RBFOX1: variants seen among roughly 807,000 people sequenced by gnomAD.
The protein encoded by RBFOX1 is RNA binding protein fox-1 homolog 1.
In RBFOX1, 8 loss-of-function variants were observed where a neutral mutation model predicts 57.7. That is an observed-to-expected ratio of 0.14 (90% CI 0.08 to 0.25). The LOEUF is 0.25. Ranked by LOEUF, RBFOX1 falls within the 10% of genes least tolerant of loss-of-function variation. RBFOX1 has a pLI of 1.00. For synonymous variants in RBFOX1, 326 were observed against 222.4 expected (o/e 1.47, Z -4.15); for missense variants, 611 against 548.5 (o/e 1.11, Z -1.14).
At chr16:7,022,014 CCCTTCCCCCTCCCCTT>C (rs1434853398) in intron 3 of RBFOX1, among the ~76,000 whole-genome samples, 4 of 6,340 alleles carry the variant, frequency 6.3e-4, no homozygotes, top group Non-Finnish European at 9.6e-4. Flanking sequence ...CCCTCCCCTT[CCCTTCCCCCTCCCCTT>C]CCCCTCCCCT....
chr16:6,153,220 G>A (rs933638691), intron 1 of RBFOX1, among the ~76,000 whole-genome samples: 12 of 151,972 alleles, frequency 7.9e-5, no homozygotes, highest in Middle Eastern at 6.8e-3. Context: ...TTCCAGAACA[G>A]AATTAAAACT....
chr16:6,481,014 T>C (rs56771399), intron 2 of RBFOX1, among the ~76,000 whole-genome samples: 11,088 of 152,210 alleles, frequency 0.073, 1,285 homozygotes, highest in African/African-American at 0.25. Context: ...TATCCACAAA[T>C]GTATCTTGTG....
Position 6,066,293 on chromosome 16 carries a change from C to CAAAAAAAAAAAAAAAAAAA in RBFOX1, c.-127+46310_-127+46328dup, listed in dbSNP as rs372412356. ...CTGACTACAGAGCAAGACTCTGTCTCAAAAAAAAAAAAAAAAAAAAAAAAA... is the reference window on the plus strand; with the variant it reads ...CTGACTACAGAGCAAGACTCTGTCTCAAAAAAAAAAAAAAAAAAAAAAAAAAAAAAAAAAAAAAAAAAAA... On this transcript the variant is annotated intron_variant, in intron 1 of 15. Coordinates refer to ENST00000550418, the MANE Select transcript of RBFOX1 (RefSeq NM_018723.4). Among the ~76,000 whole-genome samples the CAAAAAAAAAAAAAAAAAAA allele has an allele frequency of 1.8e-4, 9 of 50,384 alleles. 1 individual carries two copies. The highest frequency in any genetic ancestry group is 5.7e-4 in the African/African-American group (4 of 6,996). The allele number at this position is 50,384 out of a possible 152,430, so 33.1% of individuals were successfully genotyped here.
intron 4 of RBFOX1, among the ~76,000 whole-genome samples, chr16:7,336,401 C>A (rs1288537303): frequency 6.6e-6 from 1 of 152,224 alleles, no homozygotes; most frequent in Non-Finnish European, 1.5e-5. Context: ...ACAAATCGTT[C>A]CCATTTCATC....
intron 4 of RBFOX1, among the ~76,000 whole-genome samples, chr16:5,899,724 C>G (rs1377873648): frequency 6.6e-6 from 1 of 152,156 alleles, no homozygotes; most frequent in Admixed American, 6.5e-5. Flanking sequence ...AAGATTCCAA[C>G]CCGCCTGGTC....
intron 3 of RBFOX1, among the ~76,000 whole-genome samples, chr16:5,696,924 G>A (rs574999964): frequency 3.2e-4 from 49 of 152,012 alleles, no homozygotes; most frequent in African/African-American, 1.2e-3. Flanking sequence ...GTTTTGTTCT[G>A]TTTTTTGAGA....
chr16:7,709,582 G>A, intron 15 of RBFOX1: 2 of 1,530,288 alleles, frequency 1.3e-6, no homozygotes, highest in Non-Finnish European at 1.8e-6. Flanking sequence ...GAATCTGACT[G>A]CCTCTCCTCC....
At chr16:6,442,567 AAAAG>A (rs1322436817) in intron 2 of RBFOX1, among the ~76,000 whole-genome samples, 2 of 129,708 alleles carry the variant, frequency 1.5e-5, no homozygotes, top group African/African-American at 6.9e-5. Flanking sequence ...AAAAAAAAAG[AAAAG>A]AAAAAAAAAG....
At chr16:6,996,058 A>G (rs1045205979) in intron 3 of RBFOX1, among the ~76,000 whole-genome samples, 1 of 152,214 alleles carries the variant, frequency 6.6e-6, no homozygotes. Context: ...GTTGATGGCC[A>G]TGGGGCGTCT....
chr16:7,242,088 C>A (rs147194673), intron 4 of RBFOX1, among the ~76,000 whole-genome samples: 23 of 152,202 alleles, frequency 1.5e-4, no homozygotes, highest in African/African-American at 5.3e-4. Context: ...TGAAAAGTCA[C>A]CAGGAATTTC....
intron 1 of RBFOX1, among the ~76,000 whole-genome samples, chr16:6,209,983 T>G (rs1299032654): frequency 6.6e-6 from 1 of 152,094 alleles, no homozygotes; most frequent in Non-Finnish European, 1.5e-5. Flanking sequence ...TTTAAAAGAT[T>G]TTATATTTCT....
chr16:5,376,296 G>A (rs759999978), intron 1 of RBFOX1, among the ~76,000 whole-genome samples: 21 of 152,160 alleles, frequency 1.4e-4, no homozygotes, highest in Non-Finnish European at 1.9e-4. Flanking sequence ...CAGTGCTGCT[G>A]AGTCCTACCC....
intron 3 of RBFOX1, among the ~76,000 whole-genome samples, chr16:7,032,782 C>A (rs986412144): frequency 6.6e-6 from 1 of 152,100 alleles, no homozygotes; most frequent in Non-Finnish European, 1.5e-5. Flanking sequence ...ATGAGACACC[C>A]CCGCCTTGGG....
intron 2 of RBFOX1, among the ~76,000 whole-genome samples, chr16:6,486,017 C>T (rs868135491): frequency 0.05 from 5,735 of 114,750 alleles, 362 homozygotes; most frequent in African/African-American, 0.15. Context: ...AATTATTTTT[C>T]TTTTTTTTTT....
chr16:6,158,973 G>A (rs2096858032), intron 1 of RBFOX1, among the ~76,000 whole-genome samples: 1 of 151,954 alleles, frequency 6.6e-6, no homozygotes, highest in Non-Finnish European at 1.5e-5. Context: ...TGCACTCTCG[G>A]CTCACTGCAA....
At chr16:7,203,490 C>G (rs1421889881) in intron 4 of RBFOX1, among the ~76,000 whole-genome samples, 1 of 152,162 alleles carries the variant, frequency 6.6e-6, no homozygotes, top group African/African-American at 2.4e-5. Context: ...TATAAATATA[C>G]TTAATGCTAC....
At chr16:7,283,254 C>G (rs1245924373) in intron 4 of RBFOX1, among the ~76,000 whole-genome samples, 1 of 151,750 alleles carries the variant, frequency 6.6e-6, no homozygotes, top group Non-Finnish European at 1.5e-5. Context: ...TCGTTCATCC[C>G]CTAGTGCTTG....
chr16:7,377,962 G>A (rs1381616695), intron 4 of RBFOX1, among the ~76,000 whole-genome samples: 2 of 126,098 alleles, frequency 1.6e-5, no homozygotes, highest in Non-Finnish European at 3.5e-5. Flanking sequence ...AAGACAGCCA[G>A]GGAGGTATGG....
intron 3 of RBFOX1, among the ~76,000 whole-genome samples, chr16:5,822,324 G>A (rs2055885167): frequency 6.6e-6 from 1 of 152,148 alleles, no homozygotes. Flanking sequence ...AACAAATATG[G>A]TGCAGTGTTT....
Sources: allele counts gnomAD v4.1 joint callset (sites outside exome capture counted in the v4.1 genomes callset), GRCh38; gene constraint gnomAD v4.1.1; transcripts MANE v1.5; gene names NCBI Gene and HGNC (gene_info 2026-07-23, HGNC 2026-07-21).